APCDD1L: variants seen among roughly 807,000 people sequenced by gnomAD.
APCDD1L encodes the protein protein APCDD1-like.
A neutral mutation model predicts 24.2 loss-of-function variants in APCDD1L; 21 were observed. The observed-to-expected ratio is 0.87, with a 90% CI of 0.61 to 1.25. APCDD1L has a LOEUF of 1.25. Ranked by LOEUF, APCDD1L falls within the 50% of genes most tolerant of loss-of-function variation. The probability of loss-of-function intolerance (pLI) is 0.00; values close to 1 mark genes in which losing one functional copy is unlikely to be tolerated. For missense variants in APCDD1L, 704 were observed against 711.7 expected, an observed-to-expected ratio of 0.99 and a Z score of 0.12; for synonymous variants, 321 against 323.6, an observed-to-expected ratio of 0.99 and a Z score of 0.09.
intron 1 of APCDD1L, among the ~76,000 whole-genome samples, chr20:58,491,818 A>G (rs571828947): frequency 6.6e-6 from 1 of 152,356 alleles, no homozygotes; most frequent in African/African-American, 2.4e-5. Context: ...AGCTCTTAGA[A>G]GATTTATTGA....
intron 1 of APCDD1L, among the ~76,000 whole-genome samples, chr20:58,485,143 T>TACACACACACACACAC (rs3069429): frequency 1.3e-5 from 2 of 149,600 alleles, no homozygotes; most frequent in African/African-American, 4.9e-5. Context: ...TAGGTTGTGG[T>TACACACACACACACAC]ACACACACAC....
intron 1 of APCDD1L, among the ~76,000 whole-genome samples, chr20:58,474,779 C>T (rs1039388190): frequency 4.6e-5 from 7 of 152,134 alleles, no homozygotes; most frequent in Admixed American, 1.3e-4. Context: ...AATTTGGTGG[C>T]ATTAGGACAT....
rs1989601071 is a variant in APCDD1L at position 58,461,351 on chromosome 20, G to A, written c.945C>T (p.Tyr315=). Residue 315 remains tyrosine (Y), a synonymous_variant, in exon 4 of 4, where the codon TAC becomes TAT. Transcript: ENST00000371149. This position sits in a 1 kb window ranked among gnomAD's most constrained non-coding sequence, Gnocchi z 6.0. ...HGHSRSWEGY[Y]HHFSDPACRQ... is the part of the protein sequence containing the mutation. ...GGCAGGCTGGGTCTGAGAAGTGGTG[G>A]TAATACCCTTCCCAGGAGCGGCTGT... The A allele has an allele frequency of 1.3e-6, 2 of 1,587,138 alleles. No homozygotes were observed. Among genetic ancestry groups the A allele is most frequent in the African/African-American group, 1.3e-5 (1 of 74,474 alleles).
intron 2 of APCDD1L, among the ~76,000 whole-genome samples, chr20:58,469,741 G>C (rs190289453): frequency 6.6e-6 from 1 of 152,192 alleles, no homozygotes; most frequent in Non-Finnish European, 1.5e-5. Flanking sequence ...CAACGAAAGC[G>C]CTAGCAGATG....
At chr20:58,499,552 C>G (rs1233797041) in intron 1 of APCDD1L, among the ~76,000 whole-genome samples, 1 of 152,224 alleles carries the variant, frequency 6.6e-6, no homozygotes, top group Non-Finnish European at 1.5e-5. Flanking sequence ...TCCTTGCCCT[C>G]AAGAGCTGTT....
intron 1 of APCDD1L, among the ~76,000 whole-genome samples, chr20:58,474,398 A>G (rs1989868936): frequency 6.6e-6 from 1 of 152,150 alleles, no homozygotes; most frequent in Non-Finnish European, 1.5e-5. Flanking sequence ...AGTAAAATAC[A>G]CCTAACATAA....
chr20:58,463,371 G>A (rs1007892771), intron 3 of APCDD1L, among the ~76,000 whole-genome samples: 8 of 152,034 alleles, frequency 5.3e-5, no homozygotes, highest in Non-Finnish European at 1.0e-4. Flanking sequence ...ATTTACAGTT[G>A]TCTCTGCCTT....
chr20:58,489,452 G>A (rs751597193), intron 1 of APCDD1L, among the ~76,000 whole-genome samples: 1 of 152,136 alleles, frequency 6.6e-6, no homozygotes, highest in Non-Finnish European at 1.5e-5. Flanking sequence ...GGGAGGCCAA[G>A]GCAGGCGGAT....
At chr20:58,485,942 G>A (rs1990111390) in intron 1 of APCDD1L, among the ~76,000 whole-genome samples, 1 of 152,232 alleles carries the variant, frequency 6.6e-6, no homozygotes, top group Non-Finnish European at 1.5e-5. Context: ...AGGGCCTAGA[G>A]TGGTTCCAAG....
At chr20:58,475,416 C>T (rs1600852745) in intron 1 of APCDD1L, among the ~76,000 whole-genome samples, 1 of 152,100 alleles carries the variant, frequency 6.6e-6, no homozygotes, top group Non-Finnish European at 1.5e-5. Flanking sequence ...CAGCCTTGTA[C>T]TTGCATGGCC....
Position 58,508,594 on chromosome 20 carries a change from G to A in APCDD1L, c.49+6065C>T, listed in dbSNP as rs1305443937. Among the ~76,000 whole-genome samples, 1 of 152,186 alleles carries A rather than the reference G, an allele frequency of 6.6e-6. No individual in the cohort carries two copies. The highest frequency in any genetic ancestry group is 2.4e-5 in the African/African-American group (1 of 41,450). On this transcript the variant is annotated intron_variant, in intron 1 of 3. Coordinates refer to ENST00000371149, the MANE Select transcript of APCDD1L (RefSeq NM_153360.3). This position sits in a 1 kb window ranked among gnomAD's most constrained non-coding sequence, Gnocchi z 4.0. ...TGGCGGAGGGGAGGTGGCTGGGGAG[G>A]CCCTGGAGGAGCTGAGGAGGGCCTC...
At chr20:58,481,830 A>C (rs1287878177) in intron 1 of APCDD1L, among the ~76,000 whole-genome samples, 1 of 152,168 alleles carries the variant, frequency 6.6e-6, no homozygotes, top group Non-Finnish European at 1.5e-5. Context: ...TCTGGTGCCC[A>C]AACTTTCTTC....
chr20:58,512,744 C>T (rs1990652062), intron 1 of APCDD1L, among the ~76,000 whole-genome samples: 1 of 152,140 alleles, frequency 6.6e-6, no homozygotes, highest in Non-Finnish European at 1.5e-5. Flanking sequence ...GATCTCATCA[C>T]CTGGTGATGT....
chr20:58,486,181 G>C (rs548819969), intron 1 of APCDD1L, among the ~76,000 whole-genome samples: 1 of 152,148 alleles, frequency 6.6e-6, no homozygotes, highest in Admixed American at 6.5e-5. Context: ...ACAGAATATA[G>C]AATAATATAC....
At chr20:58,503,064 C>T (rs765865477) in intron 1 of APCDD1L, among the ~76,000 whole-genome samples, 6 of 152,144 alleles carry the variant, frequency 3.9e-5, no homozygotes, top group East Asian at 1.9e-4. Context: ...CAGAAATGCA[C>T]GTCTCTGAAT....
At chr20:58,509,294 G>C (rs1990584016) in intron 1 of APCDD1L, among the ~76,000 whole-genome samples, 1 of 152,076 alleles carries the variant, frequency 6.6e-6, no homozygotes, top group Non-Finnish European at 1.5e-5. Flanking sequence ...CTTTACTCAG[G>C]GGTACTAAAA....
At chr20:58,502,255 C>G (rs1439768953) in intron 1 of APCDD1L, among the ~76,000 whole-genome samples, 3 of 152,182 alleles carry the variant, frequency 2.0e-5, no homozygotes, top group Admixed American at 6.5e-5. Flanking sequence ...TGCCCACCAC[C>G]ATGCCAGGCT....
At position 58,497,377 on chromosome 20, in the gene APCDD1L, C is replaced by A. The variant is rs761241137; in HGVS notation, c.49+17282G>T. On this transcript the variant is annotated intron_variant, in intron 1 of 3. Coordinates refer to ENST00000371149, the MANE Select transcript of APCDD1L (RefSeq NM_153360.3). The surrounding 1 kb of genome is among the most constrained non-coding windows in gnomAD (Gnocchi z 4.3). ...CACTAGGAGGCCCAGGGAACAGACG[C>A]CTTGCATCGTGTCCACAGATGGGGT... is the stretch of plus-strand genomic sequence containing the variant. Among the ~76,000 whole-genome samples the A allele has an allele frequency of 1.8e-4, 27 of 152,094 alleles. No individual in the cohort carries two copies. The highest frequency in any genetic ancestry group is 3.5e-4 in the Non-Finnish European group (24 of 68,006).
rs1420345731 is a variant in APCDD1L at position 58,494,275 on chromosome 20, C to CTT, written c.49+20382_49+20383dup. Among the ~76,000 whole-genome samples the CTT allele has an allele frequency of 7.6e-6, 1 of 132,008 alleles. No individual in the cohort carries two copies. The highest frequency in any genetic ancestry group is 3.4e-4 in the East Asian group (1 of 2,948). The allele number at this position is 132,008 out of a possible 152,430, so 86.6% of individuals were successfully genotyped here. ...GTCAACTGCATTTCTTTTTTCTTTT[C>CTT]TTTTCTTTTCTTACTTTTCTTTTCT... On this transcript the variant is annotated intron_variant, in intron 1 of 3. Transcript: ENST00000371149. This position sits in a 1 kb window ranked among gnomAD's most constrained non-coding sequence, Gnocchi z 4.8.
Sources: allele counts gnomAD v4.1 joint callset (sites outside exome capture counted in the v4.1 genomes callset), GRCh38; gene constraint gnomAD v4.1.1; non-coding constraint Gnocchi (gnomAD v3.1); transcripts MANE v1.5; gene names NCBI Gene and HGNC (gene_info 2026-07-23, HGNC 2026-07-21).